The following SPATA13 variants were observed in gnomAD, a reference collection of about 807,000 sequenced individuals.
SPATA13 encodes the protein spermatogenesis-associated protein 13.
In SPATA13, 50 loss-of-function variants were observed where a neutral mutation model predicts 104.0. That is an observed-to-expected ratio of 0.48 (90% CI 0.38 to 0.61). SPATA13 has a LOEUF of 0.61. Ranked by LOEUF, SPATA13 falls within the 20% of genes least tolerant of loss-of-function variation. SPATA13 has a pLI of 0.00. For synonymous variants in SPATA13, 606 were observed against 667.5 expected (o/e 0.91, Z 1.42); for missense variants, 1,524 against 1,690.6 (o/e 0.90, Z 1.73).
intron 1 of SPATA13, among the ~76,000 whole-genome samples, chr13:24,217,603 T>A (rs1359390161): frequency 6.6e-6 from 1 of 152,112 alleles, no homozygotes; most frequent in Non-Finnish European, 1.5e-5. Context: ...GTGGGAAACA[T>A]TAGAGAACTG....
At position 24,108,769 on chromosome 13, in the gene SPATA13, G is replaced by A. The variant is rs1880540997; in HGVS notation, c.-112+91068G>A. The stretch of plus-strand genomic sequence containing the variant: ...CAAGCCTGGAGGCCCCGAGCCCACA[G>A]TTCCTTGGGATTTTTCGGAAAGATT... On this transcript the variant is annotated intron_variant, in intron 3 of 14. Transcript: ENST00000424834. 2.0e-5 allele frequency among the ~76,000 whole-genome samples: 3 copies of A among 152,182 alleles called. No homozygotes were observed. In the South Asian group the frequency reaches 6.2e-4, roughly 32 times the overall value.
intron 3 of SPATA13, among the ~76,000 whole-genome samples, chr13:24,113,653 C>T (rs1034019740): frequency 7.3e-5 from 11 of 151,372 alleles, no homozygotes; most frequent in Non-Finnish European, 1.5e-4. Flanking sequence ...AGGCAGATCA[C>T]GAGGTCAGGA....
chr13:24,266,338 G>A (rs994464535), intron 4 of SPATA13, among the ~76,000 whole-genome samples: 2 of 152,146 alleles, frequency 1.3e-5, no homozygotes, highest in African/African-American at 4.8e-5. Context: ...AGGCTGGAGG[G>A]CACTGGCCCA....
At chr13:24,185,158 G>A (rs1869068432) in intron 1 of SPATA13, among the ~76,000 whole-genome samples, 1 of 152,160 alleles carries the variant, frequency 6.6e-6, no homozygotes, top group Admixed American at 6.5e-5. Context: ...AAGCCCTGAA[G>A]TTCCCCTGTG....
At chr13:24,198,121 G>A (rs781100032) in intron 1 of SPATA13, among the ~76,000 whole-genome samples, 3 of 152,102 alleles carry the variant, frequency 2.0e-5, no homozygotes, top group Admixed American at 1.3e-4. Flanking sequence ...TCAGCCTCCC[G>A]AGTAGCTGGG....
intron 2 of SPATA13, among the ~76,000 whole-genome samples, chr13:24,233,973 G>GTA (rs1248841686): frequency 6.6e-6 from 1 of 151,238 alleles, no homozygotes; most frequent in Non-Finnish European, 1.5e-5. Flanking sequence ...TAAAATTATC[G>GTA]TATACCTGTA....
At chr13:24,296,991 A>T (rs1876830738) in intron 10 of SPATA13, among the ~76,000 whole-genome samples, 1 of 152,116 alleles carries the variant, frequency 6.6e-6, no homozygotes, top group African/African-American at 2.4e-5. Context: ...CACCTGAAGG[A>T]ATCCAAATTG....
intron 3 of SPATA13, among the ~76,000 whole-genome samples, chr13:24,138,137 T>TAAA (rs11321247): frequency 4.8e-5 from 7 of 144,914 alleles, no homozygotes; most frequent in African/African-American, 1.3e-4. Context: ...CCATCTCTTC[T>TAAA]AAAAAAAAAA....
At chr13:24,052,286 C>T (rs1878372700) in intron 3 of SPATA13, among the ~76,000 whole-genome samples, 1 of 152,112 alleles carries the variant, frequency 6.6e-6, no homozygotes, top group South Asian at 2.1e-4. Flanking sequence ...GGATTATAAT[C>T]CCAGCAATTT....
intron 2 of SPATA13, among the ~76,000 whole-genome samples, chr13:23,986,765 C>T (rs1285994237): frequency 2.6e-5 from 4 of 152,122 alleles, no homozygotes; most frequent in African/African-American, 4.8e-5. Context: ...GAAAGAGCAT[C>T]GGGGCCATAC....
chr13:23,993,622 C>G (rs1042039405), intron 2 of SPATA13, among the ~76,000 whole-genome samples: 7 of 152,200 alleles, frequency 4.6e-5, no homozygotes, highest in Non-Finnish European at 1.0e-4. Context: ...TTCCCACAGA[C>G]CCCTGCGTGA....
intron 1 of SPATA13, among the ~76,000 whole-genome samples, chr13:24,211,868 C>T (rs953514470): frequency 2.6e-5 from 4 of 152,154 alleles, no homozygotes; most frequent in African/African-American, 9.7e-5. Flanking sequence ...CTTAAGCTCC[C>T]TGCACCCCAA....
intron 3 of SPATA13, among the ~76,000 whole-genome samples, chr13:24,110,721 A>G (rs1880611971): frequency 6.6e-6 from 1 of 152,222 alleles, no homozygotes; most frequent in African/African-American, 2.4e-5. Flanking sequence ...TTTGGGGAAT[A>G]CATATGTAAC....
chr13:24,301,596 C>T (rs61946750), intron 12 of SPATA13, among the ~76,000 whole-genome samples: 5,675 of 152,264 alleles, frequency 0.037, 151 homozygotes, highest in Middle Eastern at 0.11. Context: ...AGGTGGCTAC[C>T]GGGTGGGACG....
In SPATA13 at chr13:24,290,753, T is replaced by A; in HGVS notation, c.2949T>A (p.Phe983Leu). The A allele has an allele frequency of 1.2e-6, 2 of 1,614,220 alleles. No homozygotes were observed. Among genetic ancestry groups the A allele is most frequent in the Non-Finnish European group, 1.7e-6 (2 of 1,180,030 alleles). Reference sequence around the variant, plus strand: ...AGCAGGGCAAGTACAGACATTTCTTTGAAGCCTGCCGCCTGCTGCAGCAGA... The same window carrying A: ...AGCAGGGCAAGTACAGACATTTCTTAGAAGCCTGCCGCCTGCTGCAGCAGA... ...LMKQGKYRHFFEACRLLQQMI... is the reference protein window; with the variant it reads ...LMKQGKYRHFLEACRLLQQMI... The change falls in exon 9 of 13, where the codon TTT (phenylalanine) becomes TTA (leucine). Residue 983 changes from phenylalanine (F) to leucine (L), a missense_variant. By Grantham distance (22) the Phe-to-Leu change is conservative. Transcript: ENST00000382108.
At position 24,247,799 on chromosome 13, in the gene SPATA13, A is replaced by G. The variant is rs1297329953; in HGVS notation, c.1654-1678A>G. ...GCCCGGGCTCTGCATCCACTTCTTC[A>G]TGGCACGTGGCCTCAGTGAGCATTC... On this transcript the variant is annotated intron_variant, in intron 2 of 12. Coordinates refer to ENST00000382108, the MANE Select transcript of SPATA13 (RefSeq NM_001166271.3). Among the ~76,000 whole-genome samples the G allele has an allele frequency of 2.0e-5, 3 of 152,120 alleles. No homozygotes were observed. The South Asian group carries it at 6.2e-4, about 32-fold the overall frequency.
chr13:24,213,411 T>C (rs142237257), intron 1 of SPATA13, among the ~76,000 whole-genome samples: 35,247 of 151,994 alleles, frequency 0.23, 4,447 homozygotes, highest in South Asian at 0.3. Flanking sequence ...GGACTACAGG[T>C]GTGGGCCACC....
Position 24,266,011 on chromosome 13 carries a change from C to G in SPATA13, c.2164+14149C>G, listed in dbSNP as rs188830510. ...ATAAGAAGATATCAGAAATGTGGAG[C>G]TCAAAGGAACCTTAATGGCCACTCA... On this transcript the variant is annotated intron_variant, in intron 4 of 12. Coordinates refer to ENST00000382108, the MANE Select transcript of SPATA13 (RefSeq NM_001166271.3). Among the ~76,000 whole-genome samples the G allele has an allele frequency of 5.7e-4, 86 of 152,206 alleles. 1 individual carries two copies. In the East Asian group the frequency reaches 0.016, roughly 29 times the overall value.
At chr13:24,199,629 A>G (rs1256514901) in intron 1 of SPATA13, among the ~76,000 whole-genome samples, 1 of 152,144 alleles carries the variant, frequency 6.6e-6, no homozygotes, top group Admixed American at 6.5e-5. Flanking sequence ...TTAATTGGCC[A>G]ATGTGTAGGT....
Sources: allele counts gnomAD v4.1 joint callset (sites outside exome capture counted in the v4.1 genomes callset), GRCh38; gene constraint gnomAD v4.1.1; transcripts MANE v1.5; gene names NCBI Gene and HGNC (gene_info 2026-07-23, HGNC 2026-07-21).